Variants in PUM1 observed in about 807,000 individuals in gnomAD.
PUM1 encodes the protein pumilio homolog 1.
PUM1 carries 13 observed loss-of-function variants against 131.8 expected under a neutral mutation model. That is an observed-to-expected ratio of 0.10 (90% CI 0.06 to 0.16). PUM1 has a LOEUF of 0.16. PUM1 is among the 10% of genes least tolerant of loss of function. The pLI is 1.00. For synonymous variants in PUM1, 509 were observed against 556.5 expected, an observed-to-expected ratio of 0.91 and a Z score of 1.20; for missense variants, 961 against 1,512.4, an observed-to-expected ratio of 0.64 and a Z score of 6.05.
chr1:31,057,258 C>T (rs1644261560), intron 2 of PUM1, among the ~76,000 whole-genome samples: 1 of 151,716 alleles, frequency 6.6e-6, no homozygotes, highest in Non-Finnish European at 1.5e-5. Flanking sequence ...ACAAAAGTAG[C>T]CGGGTGTAGT....
chr1:30,950,872 T>C (rs1360096468), intron 16 of PUM1, among the ~76,000 whole-genome samples: 2 of 152,172 alleles, frequency 1.3e-5, no homozygotes, highest in Admixed American at 6.6e-5. Context: ...AAAAAAAGAA[T>C]CCTACACTCT....
intron 12 of PUM1, chr1:30,966,512 A>C (rs1413286417): frequency 2.1e-6 from 1 of 479,108 alleles, no homozygotes; most frequent in South Asian, 3.5e-5. Flanking sequence ...TGCTTTTAAG[A>C]GTATACAGAT....
At chr1:31,012,623 G>A (rs1642665580) in intron 3 of PUM1, among the ~76,000 whole-genome samples, 1 of 148,818 alleles carries the variant, frequency 6.7e-6, no homozygotes, top group Non-Finnish European at 1.5e-5. Context: ...TAGAAGTCAA[G>A]CACTGGTTTA....
chr1:30,940,694 G>A (rs1242660222), intron 20 of PUM1, among the ~76,000 whole-genome samples: 2 of 152,152 alleles, frequency 1.3e-5, no homozygotes, highest in Admixed American at 6.5e-5. Context: ...AGTGACCTAA[G>A]ACACCTTTCA....
intron 2 of PUM1, chr1:31,051,011 G>A (rs947171997): frequency 1.7e-4 from 26 of 154,698 alleles, no homozygotes; most frequent in Non-Finnish European, 2.0e-4. Context: ...GTCAGTAAGC[G>A]AAGAAAATGG....
intron 3 of PUM1, among the ~76,000 whole-genome samples, chr1:31,007,528 A>C (rs1175820684): frequency 6.6e-6 from 1 of 152,214 alleles, no homozygotes; most frequent in Non-Finnish European, 1.5e-5. Flanking sequence ...AAGTTACTCA[A>C]GCTGGAGCAT....
chr1:31,056,524 C>T (rs550942047), intron 2 of PUM1, among the ~76,000 whole-genome samples: 1 of 151,366 alleles, frequency 6.6e-6, no homozygotes, highest in South Asian at 2.1e-4. Context: ...CTCAGGTGAT[C>T]CACCTGCCTT....
At chr1:30,988,324 A>T (rs930625447) in intron 7 of PUM1, among the ~76,000 whole-genome samples, 1 of 152,228 alleles carries the variant, frequency 6.6e-6, no homozygotes, top group African/African-American at 2.4e-5. Context: ...CCCTATTTGC[A>T]GGCTGCTCCA....
intron 2 of PUM1, among the ~76,000 whole-genome samples, chr1:31,033,417 G>A (rs1011506197): frequency 4.6e-5 from 6 of 129,348 alleles, no homozygotes; most frequent in African/African-American, 1.2e-4. Context: ...ACGGAGTCTC[G>A]CTCTGTCGCC....
intron 2 of PUM1, among the ~76,000 whole-genome samples, chr1:31,051,403 A>G (rs1035474324): frequency 6.6e-6 from 1 of 151,606 alleles, no homozygotes; most frequent in Non-Finnish European, 1.5e-5. Flanking sequence ...TCCCAGGTTC[A>G]AGCAATTCTC....
At chr1:30,971,894 T>C (rs1462709285) in intron 10 of PUM1, among the ~76,000 whole-genome samples, 1 of 152,144 alleles carries the variant, frequency 6.6e-6, no homozygotes, top group Non-Finnish European at 1.5e-5. Flanking sequence ...CATAATAATT[T>C]GGCAGCCATT....
rs192826431 is a variant in PUM1 at position 31,012,202 on chromosome 1, T to A, written c.433-5100A>T. Among the ~76,000 whole-genome samples, 32 of 87,430 alleles carry A rather than the reference T, an allele frequency of 3.7e-4. No homozygotes were observed. In the East Asian group the frequency reaches 0.016, roughly 44 times the overall value. The allele number at this position is 87,430 out of a possible 152,430, so 57.4% of individuals were successfully genotyped here. On this transcript the variant is annotated intron_variant, in intron 3 of 21. Coordinates refer to ENST00000426105, the MANE Select transcript of PUM1 (RefSeq NM_001020658.2). ...ACCATCCTTGTCCATCTAAGAGTTG[T>A]TTTTTTTCCTTAAAAAAAAAAAATC...
intron 2 of PUM1, among the ~76,000 whole-genome samples, chr1:31,056,102 C>G (rs1266479182): frequency 6.6e-6 from 1 of 152,108 alleles, no homozygotes; most frequent in African/African-American, 2.4e-5. Context: ...ACAGTATACA[C>G]CCAGATATTC....
intron 21 of PUM1, among the ~76,000 whole-genome samples, 195 bp from the exon 22 acceptor site, chr1:30,933,537 CT>C (rs1365729199): frequency 5.3e-5 from 8 of 152,136 alleles, no homozygotes; most frequent in African/African-American, 1.9e-4. Flanking sequence ...ACTTCTAGCA[CT>C]TTGGCAACCC....
At chr1:31,032,681 C>T (rs192766138) in intron 2 of PUM1, among the ~76,000 whole-genome samples, 1 of 152,184 alleles carries the variant, frequency 6.6e-6, no homozygotes, top group African/African-American at 2.4e-5. Flanking sequence ...TTGGCATGTG[C>T]CTGTAGTCCC....
chr1:31,005,789 AAAAGAGAGAGAG>A, intron 5 of PUM1, 52 bp downstream of exon 5: 2 of 1,351,560 alleles, frequency 1.5e-6, no homozygotes, highest in Non-Finnish European at 1.9e-6. Flanking sequence ...TTAGGGGAAA[AAAAGAGAGAGAG>A]AGAGAGAGAG....
chr1:31,037,523 A>G (rs1277401969), intron 2 of PUM1, among the ~76,000 whole-genome samples: 2 of 151,974 alleles, frequency 1.3e-5, no homozygotes, highest in African/African-American at 4.8e-5. Context: ...GTTTGAGACC[A>G]GCCTGGCCAA....
intron 9 of PUM1, among the ~76,000 whole-genome samples, chr1:30,977,292 T>C (rs573365802): frequency 1.3e-5 from 2 of 152,300 alleles, no homozygotes; most frequent in Admixed American, 6.5e-5. Context: ...CAAAAAGATT[T>C]TGAATTTTCA....
At chr1:31,027,965 G>A (rs1397539057) in intron 3 of PUM1, among the ~76,000 whole-genome samples, 2 of 152,110 alleles carry the variant, frequency 1.3e-5, no homozygotes, top group Non-Finnish European at 2.9e-5. Context: ...AAAACCTAAC[G>A]TCACTTTCCA....
Sources: gnomAD v4.1 joint callset for allele counts (sites outside exome capture counted in the v4.1 genomes callset) on GRCh38, gnomAD v4.1.1 for gene constraint, MANE v1.5 for transcripts, NCBI Gene and HGNC (gene_info 2026-07-23, HGNC 2026-07-21) for gene names.